CFAP58: variants seen among roughly 807,000 people sequenced by gnomAD.
CFAP58 encodes the protein cilia and flagella associated protein 58.
Under a neutral mutation model 119.5 loss-of-function variants are expected in CFAP58, and 88 were observed. The observed-to-expected ratio is 0.74, with a 90% CI of 0.62 to 0.88. The LOEUF is 0.88. CFAP58 is among the 40% of genes least tolerant of loss of function. CFAP58 has a pLI of 0.00. For synonymous variants in CFAP58, 365 were observed against 366.3 expected, an observed-to-expected ratio of 1.00 and a Z score of 0.04; for missense variants, 990 against 1,021.2, an observed-to-expected ratio of 0.97 and a Z score of 0.42.
chr10:104,365,911 T>C lies in CFAP58; in HGVS notation c.695T>C (p.Met232Thr). ...EKELKQIQAD[M>T]DSRQTEIKAL... Reference sequence around the variant, plus strand: ...GAGCTCAAGCAGATTCAGGCAGACATGGACAGCAGGCAGACAGAAATAAAA... The same window carrying C: ...GAGCTCAAGCAGATTCAGGCAGACACGGACAGCAGGCAGACAGAAATAAAA... Residue 232 changes from methionine (M) to threonine (T), a missense_variant, in exon 5 of 18, where the codon ATG (methionine) becomes ACG (threonine). Physicochemically the swap from Met to Thr is moderately conservative, Grantham distance 81. Coordinates refer to ENST00000369704, the MANE Select transcript of CFAP58 (RefSeq NM_001008723.2). The C allele has an allele frequency of 6.2e-7, 1 of 1,613,292 alleles. No homozygotes were observed. Among genetic ancestry groups the C allele is most frequent in the Non-Finnish European group, 8.5e-7 (1 of 1,179,742 alleles).
At chr10:104,439,772 A>T (rs953038583) in intron 15 of CFAP58, among the ~76,000 whole-genome samples, 1 of 152,148 alleles carries the variant, frequency 6.6e-6, no homozygotes, top group Non-Finnish European at 1.5e-5. Flanking sequence ...TTGGAAACCT[A>T]CTTATTCTTC....
chr10:104,345,161 A>C, the CFAP58 span, among the ~76,000 whole-genome samples: 362 of 152,116 alleles, frequency 2.4e-3, 4 homozygotes, highest in African/African-American at 7.7e-3. Flanking sequence ...AAAAACAAAA[A>C]CAAAAAGCTT....
chr10:104,391,492 T>C (rs1271691890), intron 9 of CFAP58, among the ~76,000 whole-genome samples: 1 of 152,214 alleles, frequency 6.6e-6, no homozygotes. Flanking sequence ...TTTTTCTTCT[T>C]AAGGACTTTT....
At chr10:104,438,605 G>A (rs1011361175) in intron 15 of CFAP58, among the ~76,000 whole-genome samples, 1 of 152,082 alleles carries the variant, frequency 6.6e-6, no homozygotes, top group East Asian at 1.9e-4. Context: ...TCGATCCCCT[G>A]ACCTCATGAT....
intron 15 of CFAP58, among the ~76,000 whole-genome samples, chr10:104,425,503 G>C (rs977565618): frequency 1.2e-4 from 19 of 152,174 alleles, no homozygotes; most frequent in African/African-American, 4.6e-4. Flanking sequence ...TCCCATAGCC[G>C]CAGCTAACAG....
intron 15 of CFAP58, among the ~76,000 whole-genome samples, chr10:104,421,057 C>T (rs2012650053): frequency 6.6e-6 from 1 of 152,076 alleles, no homozygotes; most frequent in African/African-American, 2.4e-5. Flanking sequence ...CTGGCCTCCT[C>T]CCTTCCATTT....
At chr10:104,439,555 G>A (rs2012999685) in intron 15 of CFAP58, among the ~76,000 whole-genome samples, 1 of 152,036 alleles carries the variant, frequency 6.6e-6, no homozygotes, top group African/African-American at 2.4e-5. Context: ...TTATTTTATT[G>A]TTTATTTTGA....
intron 15 of CFAP58, among the ~76,000 whole-genome samples, chr10:104,430,053 C>T (rs1387364343): frequency 1.3e-5 from 2 of 152,134 alleles, no homozygotes; most frequent in Non-Finnish European, 2.9e-5. Context: ...ATGAAAGGAG[C>T]TATTCTAGAG....
chr10:104,399,349 CT>C lies in CFAP58; in HGVS notation c.1675-10del. On this transcript the variant is annotated splice_polypyrimidine_tract_variant and intron_variant, in intron 11 of 17. Transcript: ENST00000369704. ...AATTGAAATTTGCCTGTATCTTCCA[CT>C]CTTTGTCAGGCTGAGCTGCAGAAGC... 1 of 1,613,114 alleles carries C rather than the reference CT, an allele frequency of 6.2e-7. No homozygotes were observed. Among genetic ancestry groups the C allele is most frequent in the Non-Finnish European group, 8.5e-7 (1 of 1,179,510 alleles).
chr10:104,412,721 G>A lies in CFAP58; in HGVS notation c.2256+5928G>A, dbSNP rs577935132. On this transcript the variant is annotated intron_variant, in intron 15 of 17. Coordinates refer to ENST00000369704, the MANE Select transcript of CFAP58 (RefSeq NM_001008723.2). ...CCCATCATTTCCAAGCAGCAGGTAC[G>A]ATGGAAGCCTATGTTCAAGCCCCAC... Among the ~76,000 whole-genome samples, 6 of 152,174 alleles carry A rather than the reference G, an allele frequency of 3.9e-5. No individual in the cohort carries two copies. The South Asian group carries it at 6.2e-4, about 16-fold the overall frequency.
intron 15 of CFAP58, among the ~76,000 whole-genome samples, chr10:104,423,345 A>G (rs1243059189): frequency 6.6e-6 from 1 of 152,220 alleles, no homozygotes; most frequent in African/African-American, 2.4e-5. Flanking sequence ...TTAGTCTTTT[A>G]AAAATGTAAC....
At chr10:104,361,234 C>T (rs67913518) in intron 2 of CFAP58, among the ~76,000 whole-genome samples, 6,530 of 152,272 alleles carry the variant, frequency 0.043, 212 homozygotes, top group African/African-American at 0.09. Flanking sequence ...CATTTTATAA[C>T]AGTAAGGAAG....
rs771453159 is a variant in CFAP58, at chr10:104,370,328, A to G, written c.931-567A>G. 7.9e-4 allele frequency among the ~76,000 whole-genome samples: 120 copies of G among 152,352 alleles called. 1 individual carries two copies. The Middle Eastern group carries it at 0.027, about 35-fold the overall frequency. ...ATAAAGACACACCCAAGACTGGGCA[A>G]TTTACAAAAGAAAGAGATTTAATTG... On this transcript the variant is annotated intron_variant, in intron 6 of 17. Transcript: ENST00000369704.
rs1257035906 is a variant in CFAP58, at chr10:104,380,039, A to C, written c.1184A>C (p.Lys395Thr). 7.4e-6 allele frequency: 12 copies of C among 1,613,760 alleles called. No homozygotes were observed. Among genetic ancestry groups the C allele is most frequent in the African/African-American group, 1.3e-5 (1 of 74,906 alleles). Residue 395 changes from lysine (K) to threonine (T), a missense_variant, in exon 9 of 18, where the codon AAG becomes ACG. Transcript: ENST00000369704. ...ERDILNKNML[K>T]AVNATQKQTD... ...TGCCCTTATTTTTAGAACATGCTTA[A>C]GGCGGTCAATGCGACCCAGAAGCAG...
intron 15 of CFAP58, among the ~76,000 whole-genome samples, chr10:104,444,616 A>G (rs756090262): frequency 1.2e-4 from 19 of 152,224 alleles, no homozygotes; most frequent in Non-Finnish European, 2.8e-4. Flanking sequence ...AATTACTAGC[A>G]CATTCTCCAA....
At chr10:104,357,560 G>T (rs1332891428) in intron 1 of CFAP58, among the ~76,000 whole-genome samples, 1 of 152,098 alleles carries the variant, frequency 6.6e-6, no homozygotes, top group Non-Finnish European at 1.5e-5. Flanking sequence ...CCAGGGTTTG[G>T]AATAATCATA....
intron 5 of CFAP58, among the ~76,000 whole-genome samples, chr10:104,367,782 AT>A (rs1359384157): frequency 3.9e-5 from 6 of 152,158 alleles, no homozygotes; most frequent in African/African-American, 1.4e-4. Flanking sequence ...TATTCCCCCA[AT>A]AGAAATGAGC....
At chr10:104,418,819 G>A (rs557975630) in intron 15 of CFAP58, among the ~76,000 whole-genome samples, 1 of 152,288 alleles carries the variant, frequency 6.6e-6, no homozygotes, top group Admixed American at 6.5e-5. Context: ...GGATAACTCA[G>A]TGGTCATCCT....
At chr10:104,449,654 C>T (rs1337238973) in intron 16 of CFAP58, among the ~76,000 whole-genome samples, 1 of 152,072 alleles carries the variant, frequency 6.6e-6, no homozygotes, top group East Asian at 1.9e-4. Flanking sequence ...TTTTCATAAT[C>T]CTCAGATGAA....
Sources: allele counts gnomAD v4.1 joint callset (sites outside exome capture counted in the v4.1 genomes callset), GRCh38; gene constraint gnomAD v4.1.1; transcripts MANE v1.5; gene names NCBI Gene and HGNC (gene_info 2026-07-23, HGNC 2026-07-21).